Variants in GADL1 observed in about 807,000 individuals in gnomAD.
The protein encoded by GADL1 is acidic amino acid decarboxylase GADL1.
A neutral mutation model predicts 69.5 loss-of-function variants in GADL1; 71 were observed. The ratio of observed to expected loss-of-function variants is 1.02; its 90% CI spans 0.84 to 1.25. The LOEUF (loss-of-function observed/expected upper bound fraction) is 1.25. Among genes scored for constraint, GADL1 ranks in the 50% most tolerant of loss-of-function variants. GADL1 has a pLI of 0.00. For synonymous variants in GADL1, 254 were observed against 214.4 expected, an observed-to-expected ratio of 1.18 and a Z score of -1.62; for missense variants, 737 against 631.8, an observed-to-expected ratio of 1.17 and a Z score of -1.79.
chr3:30,809,320 C>G (rs1364819298), intron 11 of GADL1, among the ~76,000 whole-genome samples: 1 of 152,126 alleles, frequency 6.6e-6, no homozygotes, highest in African/African-American at 2.4e-5. Flanking sequence ...GGTTTGCATA[C>G]AGCTTGGAGA....
In GADL1 at chr3:30,838,319, C is replaced by T. The variant is rs376302986; in HGVS notation, c.903+678G>A. On this transcript the variant is annotated intron_variant, in intron 9 of 14. Coordinates refer to ENST00000282538, the MANE Select transcript of GADL1 (RefSeq NM_207359.3). ...GTTGGCTGAATTCAGCATTCTAACC[C>T]GGGATAAGTAGAATTTTTAAAGTTA... is the stretch of plus-strand genomic sequence containing the variant. Among the ~76,000 whole-genome samples the T allele has an allele frequency of 2.9e-4, 44 of 152,122 alleles. 1 individual carries two copies. The highest frequency in any genetic ancestry group is 9.6e-4 in the African/African-American group (40 of 41,532).
rs529842330 is a variant in GADL1 at position 30,783,534 on chromosome 3, C to T, written c.1302+2821G>A. Among the ~76,000 whole-genome samples the T allele has an allele frequency of 1.5e-4, 23 of 152,244 alleles. No individual in the cohort carries two copies. The South Asian group carries it at 4.6e-3, about 30-fold the overall frequency. ...GTTAGACAACAGTGACACATACTCT[C>T]TCAAATACATGTACATATACATATA... On this transcript the variant is annotated intron_variant, in intron 13 of 14. Transcript: ENST00000282538.
chr3:30,857,099 CAA>C lies in GADL1; in HGVS notation c.251_252del (p.Leu84ArgfsTer13). The stretch of plus-strand genomic sequence containing the variant: ...TCGCCTGAGTCTCTCATCTCCAAAT[CAA>C]GAAGCTGTTTCAGTTGTTCAGGAGG... Reference protein sequence around the residue: ...WRPPEQLKQLLDLEMRDSGEP... With the variant: ...WRPPEQLKQLXDLEMRDSGEP... On this transcript the variant is annotated frameshift_variant, in exon 3 of 15. Coordinates refer to ENST00000282538, the MANE Select transcript of GADL1 (RefSeq NM_207359.3). LOFTEE classifies it high-confidence loss of function. 1 of 1,550,144 alleles carries C rather than the reference CAA, an allele frequency of 6.5e-7. No homozygotes were observed. Among genetic ancestry groups the C allele is most frequent in the African/African-American group, 1.4e-5 (1 of 73,044 alleles).
At chr3:30,873,587 C>G (rs1575243963) in intron 1 of GADL1, among the ~76,000 whole-genome samples, 1 of 151,888 alleles carries the variant, frequency 6.6e-6, no homozygotes, top group Admixed American at 6.6e-5. Context: ...AAGCGATTAT[C>G]TTAGAAGTAT....
intron 8 of GADL1, among the ~76,000 whole-genome samples, chr3:30,840,722 A>T (rs1030416846): frequency 6.6e-6 from 1 of 152,152 alleles, no homozygotes; most frequent in Non-Finnish European, 1.5e-5. Flanking sequence ...CCTCACCTTT[A>T]AAAAAAGATC....
Position 30,839,002 on chromosome 3 carries a change from C to G in GADL1, c.898G>C (p.Val300Leu). 1 of 1,580,198 alleles carries G rather than the reference C, an allele frequency of 6.3e-7. No individual in the cohort carries two copies. The highest frequency in any genetic ancestry group is 8.6e-7 in the Non-Finnish European group (1 of 1,157,980). Residue 300 changes from valine (V) to leucine (L), a missense_variant, in exon 9 of 15, where the codon GTA becomes CTA. Transcript: ENST00000282538. The stretch of plus-strand genomic sequence containing the variant: ...GTACACATAAATGAACTTACATCTA[C>G]ATGAAGCCAGAGGCTGTGCCTCTCG... ...ICERHSLWLHVDASWGGSALM... is the reference protein window; with the variant it reads ...ICERHSLWLHLDASWGGSALM...
In GADL1 at chr3:30,833,938, T is replaced by C; in HGVS notation, c.969-4A>G. 2 of 1,608,864 alleles carry C rather than the reference T, an allele frequency of 1.2e-6. No individual in the cohort carries two copies. Among genetic ancestry groups the C allele is most frequent in the Non-Finnish European group, 1.7e-6 (2 of 1,176,134 alleles). The stretch of plus-strand genomic sequence containing the variant: ...GTTCCAGGCCACAGAGTCAGCCCTA[T>C]TGTTTAAACAAAGGGACAGAGTAGG... On this transcript the variant is annotated splice_region_variant and splice_polypyrimidine_tract_variant and intron_variant, in intron 10 of 14. Coordinates refer to ENST00000282538, the MANE Select transcript of GADL1 (RefSeq NM_207359.3).
At chr3:30,889,101 A>G (rs1179653356) in intron 1 of GADL1, among the ~76,000 whole-genome samples, 1 of 148,756 alleles carries the variant, frequency 6.7e-6, no homozygotes, top group African/African-American at 2.5e-5. Context: ...AAAAAAAAAA[A>G]AAAAAAAAAA....
At chr3:30,751,695 T>C (rs528699541) in intron 14 of GADL1, among the ~76,000 whole-genome samples, 117 of 152,272 alleles carry the variant, frequency 7.7e-4, no homozygotes, top group Non-Finnish European at 7.6e-4. Context: ...TTAACTACAA[T>C]CGTGTCTCAT....
intron 3 of GADL1, among the ~76,000 whole-genome samples, chr3:30,855,906 A>G (rs1213952610): frequency 1.4e-5 from 2 of 146,726 alleles, no homozygotes; most frequent in Admixed American, 6.8e-5. Flanking sequence ...CAGCTTAAAC[A>G]TGGAAAACTT....
intron 12 of GADL1, among the ~76,000 whole-genome samples, chr3:30,791,350 A>T (rs1167419102): frequency 6.6e-6 from 1 of 152,132 alleles, no homozygotes; most frequent in East Asian, 1.9e-4. Flanking sequence ...TTCTCCAGAA[A>T]TCTTGGGAAT....
intron 11 of GADL1, among the ~76,000 whole-genome samples, chr3:30,814,111 G>A (rs1001831013): frequency 1.3e-5 from 2 of 152,138 alleles, no homozygotes; most frequent in African/African-American, 4.8e-5. Context: ...CTCATTTAAT[G>A]TTATATTAGT....
chr3:30,776,233 CTTCA>C (rs1329892095), intron 14 of GADL1, among the ~76,000 whole-genome samples: 1 of 152,328 alleles, frequency 6.6e-6, no homozygotes, highest in Non-Finnish European at 1.5e-5. Context: ...ATATCACATT[CTTCA>C]TTGTTTTTCG....
At chr3:30,781,206 G>T (rs1418214694) in intron 13 of GADL1, among the ~76,000 whole-genome samples, 2 of 152,094 alleles carry the variant, frequency 1.3e-5, no homozygotes, top group Admixed American at 6.5e-5. Context: ...AAGGAGTAAT[G>T]TGCCATTAAA....
chr3:30,880,729 G>A (rs1336165795), intron 1 of GADL1, among the ~76,000 whole-genome samples: 1 of 151,868 alleles, frequency 6.6e-6, no homozygotes, highest in Non-Finnish European at 1.5e-5. Context: ...GTATCCACAG[G>A]AGGTCCTGGA....
intron 14 of GADL1, 121 bp downstream of exon 14, chr3:30,778,058 C>CT (rs1696577455): frequency 3.2e-6 from 2 of 618,292 alleles, no homozygotes; most frequent in Non-Finnish European, 5.9e-6. Flanking sequence ...TTTTAACAAA[C>CT]TAGAAGACAC....
rs901483539 is a variant in GADL1 at position 30,766,551 on chromosome 3, CTG to C, written c.1392+11626_1392+11627del. ...CCTGAAAATCCATAACATATCATTA[CTG>C]TGATTTTTTTTCTCTTAATGAGGAA... On this transcript the variant is annotated intron_variant, in intron 14 of 14. Transcript: ENST00000282538. 5.5e-5 allele frequency among the ~76,000 whole-genome samples: 7 copies of C among 126,216 alleles called. 1 individual carries two copies. The highest frequency in any genetic ancestry group is 4.8e-4 in the Admixed American group (6 of 12,394). The allele number at this position is 126,216 out of a possible 152,430, so 82.8% of individuals were successfully genotyped here. A position where few individuals can be genotyped will look rare whatever the true frequency, so the allele number is the denominator to read the frequency against.
intron 12 of GADL1, among the ~76,000 whole-genome samples, chr3:30,786,786 TTTTG>T (rs1406349519): frequency 6.6e-6 from 1 of 152,098 alleles, no homozygotes; most frequent in Non-Finnish European, 1.5e-5. Flanking sequence ...GAGTTTTTTG[TTTTG>T]TTTTGTTTTG....
chr3:30,847,395 A>G (rs1698076274), intron 6 of GADL1, among the ~76,000 whole-genome samples: 1 of 152,200 alleles, frequency 6.6e-6, no homozygotes, highest in Non-Finnish European at 1.5e-5. Flanking sequence ...ACTACCTAAT[A>G]TAACAGTACT....
Sources: gnomAD v4.1 joint callset for allele counts (sites outside exome capture counted in the v4.1 genomes callset) on GRCh38, gnomAD v4.1.1 for gene constraint, MANE v1.5 for transcripts, NCBI Gene and HGNC (gene_info 2026-07-23, HGNC 2026-07-21) for gene names.